The following PLCH1 variants were observed in gnomAD, a reference collection of about 807,000 sequenced individuals.
PLCH1 encodes 1-phosphatidylinositol 4,5-bisphosphate phosphodiesterase eta-1.
PLCH1 carries 60 observed loss-of-function variants against 126.7 expected under a neutral mutation model. The observed-to-expected ratio is 0.47, with a 90% CI of 0.38 to 0.59. The LOEUF (loss-of-function observed/expected upper bound fraction) is 0.59, where lower values mean the gene tolerates loss of function less well. PLCH1 is among the 20% of genes least tolerant of loss of function. The pLI, the probability that PLCH1 is intolerant of heterozygous loss-of-function variation, is 0.00. For missense variants in PLCH1, 1,723 were observed against 2,040.0 expected (o/e 0.84, Z 2.99); for synonymous variants, 719 against 734.9 (o/e 0.98, Z 0.35).
At chr3:155,566,772 T>A (rs1302039410) in intron 7 of PLCH1, among the ~76,000 whole-genome samples, 3 of 152,180 alleles carry the variant, frequency 2.0e-5, no homozygotes, top group Admixed American at 2.0e-4. Context: ...AAAGAGGTTT[T>A]CACTAATATA....
At chr3:155,486,521 T>TG (rs1286165882) in intron 21 of PLCH1, among the ~76,000 whole-genome samples, 1 of 144,636 alleles carries the variant, frequency 6.9e-6, no homozygotes, top group Non-Finnish European at 1.5e-5. Flanking sequence ...TTGTTTTTTT[T>TG]TTTTTTTTTT....
chr3:155,694,583 T>G (rs190845507), intron 2 of PLCH1, among the ~76,000 whole-genome samples: 1 of 152,332 alleles, frequency 6.6e-6, no homozygotes, highest in African/African-American at 2.4e-5. Flanking sequence ...GTGTTCCCTG[T>G]TCTTCTTTTA....
At chr3:155,454,301 T>C (rs1712386001) in intron 21 of PLCH1, among the ~76,000 whole-genome samples, 1 of 151,992 alleles carries the variant, frequency 6.6e-6, no homozygotes, top group African/African-American at 2.4e-5. Flanking sequence ...TGAAAGTTTT[T>C]CAGCCTGAGC....
intron 10 of PLCH1, among the ~76,000 whole-genome samples, chr3:155,524,759 G>A (rs1462615973): frequency 1.3e-5 from 2 of 152,188 alleles, no homozygotes; most frequent in African/African-American, 4.8e-5. Context: ...GCTCACACCT[G>A]TAATCCCAGC....
At chr3:155,514,046 A>G (rs998643237) in intron 12 of PLCH1, among the ~76,000 whole-genome samples, 14 of 152,202 alleles carry the variant, frequency 9.2e-5, no homozygotes, top group African/African-American at 2.7e-4. Context: ...ACTTGAGATG[A>G]CACTGATGGC....
intron 21 of PLCH1, among the ~76,000 whole-genome samples, chr3:155,460,791 TAG>T (rs1172523297): frequency 1.1e-4 from 3 of 27,742 alleles, no homozygotes; most frequent in Admixed American, 5.0e-4. Flanking sequence ...ATATAGAAGA[TAG>T]ATAGATAGAT....
chr3:155,654,059 C>G (rs954905693), intron 2 of PLCH1, among the ~76,000 whole-genome samples: 1 of 150,286 alleles, frequency 6.7e-6, no homozygotes, highest in Non-Finnish European at 1.5e-5. Flanking sequence ...ATCTAGCATG[C>G]CCATGACCTC....
At chr3:155,596,173 C>A in intron 3 of PLCH1, 59 bp downstream of exon 3, 1 of 1,275,854 alleles carries the variant, frequency 7.8e-7, no homozygotes, top group South Asian at 1.3e-5. Flanking sequence ...AGAGCCCACT[C>A]AGTATAACCC....
At chr3:155,505,547 G>A (rs181115964) in intron 12 of PLCH1, among the ~76,000 whole-genome samples, 67 of 152,298 alleles carry the variant, frequency 4.4e-4, no homozygotes, top group African/African-American at 1.5e-3. Flanking sequence ...AGGTTGGGAA[G>A]GGGATCTGTA....
chr3:155,657,874 G>A (rs1490779804), intron 2 of PLCH1: 5 of 152,248 alleles, frequency 3.3e-5, no homozygotes, highest in Admixed American at 2.0e-4. Flanking sequence ...GCTAAGTCAA[G>A]GCGAAAAAGT....
chr3:155,667,221 C>A (rs576098931), intron 2 of PLCH1, among the ~76,000 whole-genome samples: 1 of 152,172 alleles, frequency 6.6e-6, no homozygotes, highest in African/African-American at 2.4e-5. Flanking sequence ...AATTTTATTC[C>A]AAATTCCATA....
intron 1 of PLCH1, among the ~76,000 whole-genome samples, chr3:155,716,739 G>A (rs1424341382): frequency 6.6e-6 from 1 of 152,144 alleles, no homozygotes; most frequent in Non-Finnish European, 1.5e-5. Context: ...CAAATTACAA[G>A]TGAACATGAG....
intron 21 of PLCH1, among the ~76,000 whole-genome samples, chr3:155,465,559 G>A (rs768187227): frequency 2.0e-5 from 3 of 152,022 alleles, no homozygotes; most frequent in Non-Finnish European, 4.4e-5. Context: ...ATTACCAGCT[G>A]TGGTGGCTAT....
chr3:155,597,709 G>T (rs187529024), intron 2 of PLCH1, among the ~76,000 whole-genome samples: 1 of 152,046 alleles, frequency 6.6e-6, no homozygotes. Context: ...CCTATTAAAG[G>T]TCACTTCAAC....
intron 12 of PLCH1, among the ~76,000 whole-genome samples, chr3:155,513,756 AGAGGAG>A (rs1398063087): frequency 1.3e-5 from 2 of 152,182 alleles, no homozygotes; most frequent in African/African-American, 4.8e-5. Context: ...ATGCAGTTTG[AGAGGAG>A]CTAACCTTGA....
Position 155,482,892 on chromosome 3 carries a change from C to T in PLCH1, c.3134G>A (p.Gly1045Glu). Residue 1045 changes from glycine (G) to glutamate (E), a missense_variant, in exon 23 of 23, where the codon GGA becomes GAA. This residue lies in a region of PLCH1 where 947 missense variants were observed against 977.1 expected (regional missense o/e 0.97). Coordinates refer to ENST00000460012, the MANE Select transcript of PLCH1 (RefSeq NM_014996.4). Reference sequence around the variant, plus strand: ...AGGACTTGACATGCCCAGCTGTTCTCCTGTGACTGACATGTGGGCAGTAGA... The same window carrying T: ...AGGACTTGACATGCCCAGCTGTTCTTCTGTGACTGACATGTGGGCAGTAGA... ...IVSTAHMSVT[G>E]EQLGMSSPRG... 5 of 1,614,118 alleles carry T rather than the reference C, an allele frequency of 3.1e-6. No individual in the cohort carries two copies. The highest frequency in any genetic ancestry group is 4.2e-6 in the Non-Finnish European group (5 of 1,180,018).
chr3:155,645,651 CT>C (rs1021362053), intron 2 of PLCH1, among the ~76,000 whole-genome samples: 1 of 151,638 alleles, frequency 6.6e-6, no homozygotes, highest in African/African-American at 2.4e-5. Context: ...CAGCTTTTTT[CT>C]TTTTTTTCAG....
At chr3:155,591,964 C>T (rs1443869265) in intron 4 of PLCH1, among the ~76,000 whole-genome samples, 2 of 152,034 alleles carry the variant, frequency 1.3e-5, no homozygotes, top group East Asian at 3.9e-4. Flanking sequence ...CCTCAGCCTC[C>T]TAAAGTGCTG....
intron 2 of PLCH1, among the ~76,000 whole-genome samples, chr3:155,622,505 T>C (rs2108776817): frequency 6.6e-6 from 1 of 152,164 alleles, no homozygotes; most frequent in African/African-American, 2.4e-5. Context: ...GTGTGCTGTA[T>C]TCAGGAGACC....
Sources: gnomAD v4.1 joint callset for allele counts (sites outside exome capture counted in the v4.1 genomes callset) on GRCh38, gnomAD v4.1.1 for gene constraint, gnomAD v4.1.1 regional missense constraint, MANE v1.5 for transcripts, NCBI Gene and HGNC (gene_info 2026-07-23, HGNC 2026-07-21) for gene names.